Variants in CACNA2D2 observed in about 807,000 individuals in gnomAD.
The protein encoded by CACNA2D2 is calcium voltage-gated channel auxiliary subunit alpha2delta 2.
A neutral mutation model predicts 166.4 loss-of-function variants in CACNA2D2; 48 were observed. The observed-to-expected ratio is 0.29, with a 90% CI of 0.23 to 0.37. The LOEUF is 0.37. Among genes scored for constraint, CACNA2D2 ranks in the 10% least tolerant of loss-of-function variants. The probability of loss-of-function intolerance (pLI) is 1.00; values close to 1 mark genes in which losing one functional copy is unlikely to be tolerated. For synonymous variants in CACNA2D2, 561 were observed against 573.7 expected, an observed-to-expected ratio of 0.98 and a Z score of 0.32; for missense variants, 1,122 against 1,433.0, an observed-to-expected ratio of 0.78 and a Z score of 3.50.
chr3:50,492,140 C>G (rs983638369), intron 1 of CACNA2D2, among the ~76,000 whole-genome samples: 3 of 152,368 alleles, frequency 2.0e-5, no homozygotes, highest in Middle Eastern at 6.8e-3. Context: ...GTCTCACAGG[C>G]AGCACCCAGC....
rs191917618 is a variant in CACNA2D2, at chr3:50,397,876, T to C, written c.406-3708A>G. Among the ~76,000 whole-genome samples the C allele has an allele frequency of 1.2e-4, 19 of 152,288 alleles. No homozygotes were observed. The East Asian group carries it at 1.9e-3, about 15-fold the overall frequency. On this transcript the variant is annotated intron_variant, in intron 3 of 37. Transcript: ENST00000424201. Reference sequence around the variant, plus strand: ...AGGAGGACATGTCCTGAGGCAGGGATCTCCAAGCTTAGCCCCACCTACCTG... The same window carrying C: ...AGGAGGACATGTCCTGAGGCAGGGACCTCCAAGCTTAGCCCCACCTACCTG...
intron 1 of CACNA2D2, among the ~76,000 whole-genome samples, chr3:50,502,409 C>T (rs1466090111): frequency 6.6e-6 from 1 of 152,238 alleles, no homozygotes; most frequent in African/African-American, 2.4e-5. Flanking sequence ...CAGCCCCAGA[C>T]ACATCTGGCT....
In CACNA2D2 at chr3:50,503,558, T is replaced by G. The variant is rs1357049325; in HGVS notation, c.-135A>C. ...GCCGCCGCCTTCTCCGCGAGGGGCC[T>G]CCGGGGCTGCACGGGCCGCAGCGCC... On this transcript the variant is annotated 5_prime_UTR_variant, in exon 1 of 38. Coordinates refer to ENST00000424201, the MANE Select transcript of CACNA2D2 (RefSeq NM_006030.4). 1 of 167,410 alleles carries G rather than the reference T, an allele frequency of 6.0e-6. No homozygotes were observed. Among genetic ancestry groups the G allele is most frequent in the African/African-American group, 2.4e-5 (1 of 41,388 alleles). 10.4% of individuals were successfully genotyped at this position (167,410 alleles called of 1,614,324 possible).
chr3:50,408,829 G>A (rs898721058), intron 3 of CACNA2D2, among the ~76,000 whole-genome samples: 1 of 152,220 alleles, frequency 6.6e-6, no homozygotes, highest in African/African-American at 2.4e-5. Context: ...GCCTAGCAAC[G>A]GCCACAGAGC....
intron 1 of CACNA2D2, among the ~76,000 whole-genome samples, chr3:50,484,627 G>A (rs540198599): frequency 2.0e-5 from 3 of 152,206 alleles, no homozygotes; most frequent in South Asian, 2.1e-4. Flanking sequence ...CACCTGCTCC[G>A]TGAAGACCTC....
chr3:50,387,145 C>T (rs1168416907), intron 5 of CACNA2D2, among the ~76,000 whole-genome samples: 1 of 152,156 alleles, frequency 6.6e-6, no homozygotes, highest in Non-Finnish European at 1.5e-5. Flanking sequence ...ATGGGCCAGG[C>T]TGTGGGGTGC....
Position 50,364,167 on chromosome 3 carries a change from TG to T in CACNA2D2, c.*498del, listed in dbSNP as rs1704083426. Reference sequence around the variant, plus strand: ...TAGGCCTGAAAGGGGCAGGAGCCCATGGGGGCTGCCCCAGAGCCTCTCTCCT... The same window carrying T: ...TAGGCCTGAAAGGGGCAGGAGCCCATGGGGCTGCCCCAGAGCCTCTCTCCT... On this transcript the variant is annotated 3_prime_UTR_variant, in exon 38 of 38. Transcript: ENST00000424201. 1 of 159,806 alleles carries T rather than the reference TG, an allele frequency of 6.3e-6. No individual in the cohort carries two copies. 9.9% of individuals were successfully genotyped at this position (159,806 alleles called of 1,614,324 possible). A position where few individuals can be genotyped will look rare whatever the true frequency, so the allele number is the denominator to read the frequency against.
At chr3:50,501,381 C>T (rs1419830248) in intron 1 of CACNA2D2, among the ~76,000 whole-genome samples, 1 of 149,330 alleles carries the variant, frequency 6.7e-6, no homozygotes, top group Non-Finnish European at 1.5e-5. Context: ...GCACAGCCCC[C>T]ACCCCACCCC....
intron 2 of CACNA2D2, among the ~76,000 whole-genome samples, chr3:50,448,709 T>C (rs970486516): frequency 3.9e-5 from 6 of 152,246 alleles, no homozygotes; most frequent in Middle Eastern, 3.4e-3. Flanking sequence ...TCTGTGTGTG[T>C]GCACAGGCCC....
chr3:50,364,468 T>C lies in CACNA2D2; in HGVS notation c.*198A>G. Reference sequence around the variant, plus strand: ...TGAACAGTTCGGAGGTGAGATGTGATTTGGGTGCCAAACACCTGCGGCGTC... The same window carrying C: ...TGAACAGTTCGGAGGTGAGATGTGACTTGGGTGCCAAACACCTGCGGCGTC... On this transcript the variant is annotated 3_prime_UTR_variant, in exon 38 of 38. Coordinates refer to ENST00000424201, the MANE Select transcript of CACNA2D2 (RefSeq NM_006030.4). 3.2e-6 allele frequency: 2 copies of C among 634,276 alleles called. No homozygotes were observed. Among genetic ancestry groups the C allele is most frequent in the Non-Finnish European group, 5.3e-6 (2 of 375,628 alleles). The allele number at this position is 634,276 out of a possible 1,614,324, so 39.3% of individuals were successfully genotyped here.
chr3:50,375,974 TCTC>T lies in CACNA2D2; in HGVS notation c.1759_1761del (p.Glu587del), dbSNP rs1239816078. 6.2e-7 allele frequency: 1 copy of T among 1,613,328 alleles called. No individual in the cohort carries two copies. The highest frequency in any genetic ancestry group is 2.2e-5 in the East Asian group (1 of 44,880). ...CCTCCTCTCCTTACCTCTTCCTTGTTCTCATCCTCTAGCTCCGCATCCAGGAAG... is the reference window on the plus strand; with the variant it reads ...CCTCCTCTCCTTACCTCTTCCTTGTTATCCTCTAGCTCCGCATCCAGGAAG... On this transcript the variant is annotated inframe_deletion, in exon 19 of 38. Coordinates refer to ENST00000424201, the MANE Select transcript of CACNA2D2 (RefSeq NM_006030.4). The surrounding 1 kb of genome is among the most constrained non-coding windows in gnomAD (Gnocchi z 4.0).
intron 3 of CACNA2D2, among the ~76,000 whole-genome samples, chr3:50,414,237 G>A (rs1455143381): frequency 6.6e-6 from 1 of 151,940 alleles, no homozygotes; most frequent in African/African-American, 2.4e-5. Context: ...AGAGCCCAAG[G>A]TTAGAGAGCC....
intron 22 of CACNA2D2, among the ~76,000 whole-genome samples, chr3:50,371,820 G>A (rs587775581): frequency 4.6e-5 from 7 of 152,210 alleles, no homozygotes; most frequent in South Asian, 4.1e-4. Context: ...AGGAGACTAT[G>A]CTATGTTGTC....
intron 1 of CACNA2D2, among the ~76,000 whole-genome samples, chr3:50,478,390 G>C (rs1251725371): frequency 6.6e-6 from 1 of 152,216 alleles, no homozygotes; most frequent in Non-Finnish European, 1.5e-5. Context: ...CAGTCAGCCA[G>C]GCAGGGGGCA....
rs371019530 is a variant in CACNA2D2 at position 50,369,826 on chromosome 3, AC to A, written c.2045+493del. 4.0e-3 allele frequency among the ~76,000 whole-genome samples: 610 copies of A among 151,290 alleles called. 10 individuals are homozygous for A. Among genetic ancestry groups the A allele is most frequent in the African/African-American group, 0.014 (559 of 41,216 alleles). ...TCAAAGCCCCCACTCTCCTCCCCCA[AC>A]CCCCCAAGTGAAGTACCACGCCTAG... On this transcript the variant is annotated intron_variant, in intron 23 of 37. Transcript: ENST00000424201.
intron 2 of CACNA2D2, among the ~76,000 whole-genome samples, chr3:50,453,155 G>A (rs1709187434): frequency 6.6e-6 from 1 of 152,102 alleles, no homozygotes; most frequent in African/African-American, 2.4e-5. Context: ...CCCGCTGCCT[G>A]CCAGAGTCGT....
intron 2 of CACNA2D2, among the ~76,000 whole-genome samples, chr3:50,456,753 G>A (rs1056297018): frequency 6.6e-6 from 1 of 152,126 alleles, no homozygotes; most frequent in African/African-American, 2.4e-5. Context: ...CTGTTCCACC[G>A]CCTGGTTTTA....
intron 1 of CACNA2D2, among the ~76,000 whole-genome samples, chr3:50,490,556 C>A (rs550508440): frequency 5.9e-5 from 9 of 152,302 alleles, no homozygotes; most frequent in Non-Finnish European, 8.8e-5. Context: ...TTGCAAAAGC[C>A]ACAGGAAGAT....
chr3:50,500,316 G>T (rs1290935760), intron 1 of CACNA2D2, among the ~76,000 whole-genome samples: 1 of 152,184 alleles, frequency 6.6e-6, no homozygotes, highest in Non-Finnish European at 1.5e-5. Flanking sequence ...GGCTAAGAGG[G>T]TGCAGTCAGG....
Sources: allele counts gnomAD v4.1 joint callset (sites outside exome capture counted in the v4.1 genomes callset), GRCh38; gene constraint gnomAD v4.1.1; non-coding constraint Gnocchi (gnomAD v3.1); transcripts MANE v1.5; gene names NCBI Gene and HGNC (gene_info 2026-07-23, HGNC 2026-07-21).